SI: variants seen among roughly 807,000 people sequenced by gnomAD.
SI encodes the protein sucrase-isomaltase, also known as sucrase-isomaltase, intestinal.
A neutral mutation model predicts 253.3 loss-of-function variants in SI; 235 were observed. That is an observed-to-expected ratio of 0.93 (90% CI 0.83 to 1.03). The LOEUF is 1.03. SI is among the 50% of genes least tolerant of loss of function. SI has a pLI of 0.00. For synonymous variants in SI, 819 were observed against 712.0 expected (o/e 1.15, Z -2.39); for missense variants, 2,442 against 2,211.1 (o/e 1.10, Z -2.09).
Position 165,059,070 on chromosome 3 carries a change from A to T in SI, c.1291T>A (p.Ser431Thr), listed in dbSNP as rs773971913. The change falls in exon 12 of 48, where the codon TCC becomes ACC. Residue 431 changes from serine (S) to threonine (T), a missense_variant. Transcript: ENST00000264382. ...KYVIILDPAISIGRRANGTTY... is the reference protein window; with the variant it reads ...KYVIILDPAITIGRRANGTTY... ...GTTCCATTGGCACGTCGACCTATGG[A>T]AATTGCAGGGTCCTAATAATAGAAA... The T allele has an allele frequency of 1.2e-6, 2 of 1,612,552 alleles. No individual in the cohort carries two copies. The highest frequency in any genetic ancestry group is 8.5e-7 in the Non-Finnish European group (1 of 1,179,234).
In SI at chr3:165,019,778, C is replaced by G. The variant is rs1179920370; in HGVS notation, c.3255-8G>C. 1.9e-6 allele frequency: 3 copies of G among 1,610,808 alleles called. No individual in the cohort carries two copies. The highest frequency in any genetic ancestry group is 1.3e-5 in the African/African-American group (1 of 74,712). On this transcript the variant is annotated splice_region_variant and splice_polypyrimidine_tract_variant and intron_variant, in intron 27 of 47. Transcript: ENST00000264382. ...GGCAGCCAAGAATCCCAACTGAAAACAAAAGAAAACAAAGCTATGTCTGTC... is the reference window on the plus strand; with the variant it reads ...GGCAGCCAAGAATCCCAACTGAAAAGAAAAGAAAACAAAGCTATGTCTGTC...
At chr3:165,081,346 G>C (rs1382224256), upstream of SI, among the ~76,000 whole-genome samples, 2 of 151,940 alleles carry the variant, frequency 1.3e-5, no homozygotes, top group East Asian at 3.9e-4. Flanking sequence ...AACACCAAAA[G>C]TGAATCATAA....
At chr3:165,069,254 T>A in intron 3 of SI, 59 bp from the exon 4 acceptor site, 1 of 1,128,440 alleles carries the variant, frequency 8.9e-7, no homozygotes, top group Non-Finnish European at 1.3e-6. Context: ...TGTCCCAGTC[T>A]CTGTTTTTCC....
chr3:165,051,520 CA>C (rs879787028), intron 13 of SI, among the ~76,000 whole-genome samples: 4 of 152,000 alleles, frequency 2.6e-5, no homozygotes, highest in Non-Finnish European at 5.9e-5. Flanking sequence ...CATAGTTACA[CA>C]GCAAATAAGT....
chr3:165,059,465 G>A (rs1168111626), intron 10 of SI, among the ~76,000 whole-genome samples, 166 bp from the exon 11 acceptor site: 1 of 151,750 alleles, frequency 6.6e-6, no homozygotes, highest in Non-Finnish European at 1.5e-5. Flanking sequence ...TTTGTAAACT[G>A]GTTTTTCTAA....
intron 25 of SI, among the ~76,000 whole-genome samples, chr3:165,027,150 A>G (rs973229410): frequency 3.2e-4 from 48 of 151,486 alleles, no homozygotes; most frequent in African/African-American, 9.9e-4. Flanking sequence ...CTGACACCAC[A>G]GAAATACAAA....
At position 165,047,003 on chromosome 3, in the gene SI, T is replaced by G; in HGVS notation, c.1725A>C (p.Gln575His). ...AGCTTCTCTTATTAGGAAAAACTTT[T>G]TGTACAGCTCTAAAAATAAAACCAA... ...SMAIATEQAV[Q>H]KVFPNKRSFI... Residue 575 changes from glutamine (Q) to histidine (H), a missense_variant, in exon 16 of 48, where the codon CAA becomes CAC. Gln to His is a conservative substitution (Grantham distance 24). Coordinates refer to ENST00000264382, the MANE Select transcript of SI (RefSeq NM_001041.4). The G allele has an allele frequency of 6.2e-7, 1 of 1,603,702 alleles. No homozygotes were observed. The highest frequency in any genetic ancestry group is 1.1e-5 in the South Asian group (1 of 89,414).
intron 16 of SI, among the ~76,000 whole-genome samples, chr3:165,044,761 A>T (rs1713024049): frequency 6.6e-6 from 1 of 151,948 alleles, no homozygotes; most frequent in Non-Finnish European, 1.5e-5. Context: ...GTTGTAGTCA[A>T]ATTTATGTAT....
At chr3:165,004,423 T>C (rs1718404184) in intron 37 of SI, among the ~76,000 whole-genome samples, 1 of 152,144 alleles carries the variant, frequency 6.6e-6, no homozygotes, top group South Asian at 2.1e-4. Context: ...AGAGCTACTA[T>C]ATGATTCAGC....
chr3:165,042,964 T>G, intron 17 of SI, 95 bp downstream of exon 17: 1 of 805,790 alleles, frequency 1.2e-6, no homozygotes, highest in South Asian at 1.4e-5. Context: ...TGCTACAATC[T>G]TTCAGACCAT....
intron 26 of SI, among the ~76,000 whole-genome samples, chr3:165,022,843 G>A (rs903361504): frequency 2.1e-4 from 32 of 151,492 alleles, no homozygotes; most frequent in East Asian, 7.8e-4. Flanking sequence ...TAAAAGCAGC[G>A]ACTGAGCTAA....
chr3:165,064,724 A>T (rs913652573), intron 7 of SI, among the ~76,000 whole-genome samples: 1 of 152,092 alleles, frequency 6.6e-6, no homozygotes, highest in African/African-American at 2.4e-5. Context: ...AGTTCTTATG[A>T]GATAAAATTT....
intron 7 of SI, 132 bp downstream of exon 7, chr3:165,065,129 T>C: frequency 1.6e-6 from 1 of 621,234 alleles, no homozygotes; most frequent in Non-Finnish European, 2.8e-6. Context: ...TAAACAAGCT[T>C]CTATATTGGT....
chr3:165,079,903 C>A (rs1715238832), upstream of SI, among the ~76,000 whole-genome samples: 1 of 151,798 alleles, frequency 6.6e-6, no homozygotes, highest in Admixed American at 6.6e-5. Flanking sequence ...ACGCCATATT[C>A]ATAGACTGCA....
rs1231349140 is a variant in SI, at chr3:165,067,440, C to A, written c.535G>T (p.Glu179Ter). 99 of 1,611,586 alleles carry A rather than the reference C, an allele frequency of 6.1e-5. 1 individual carries two copies. Among genetic ancestry groups the A allele is most frequent in the Non-Finnish European group, 8.3e-5 (98 of 1,178,106 alleles). Residue 179 changes from glutamate to a stop codon, truncating the protein, a stop_gained, in exon 6 of 48, where the codon GAG becomes TAG. Transcript: ENST00000264382. LOFTEE classifies it high-confidence loss of function. ...TCAGAAACTGTGGGTCCAGTAAACT[C>A]TTTTACATACTGATGAGGAACTTCA... Reference protein sequence around the residue: ...RYEVPHQYVKEFTGPTVSDTL... With the variant: ...RYEVPHQYVK
intron 3 of SI, among the ~76,000 whole-genome samples, chr3:165,070,293 A>T (rs1052008313): frequency 1.1e-5 from 1 of 90,250 alleles, no homozygotes; most frequent in South Asian, 3.3e-4. Context: ...ATACATATAT[A>T]ATTATATATG....
In SI at chr3:165,073,616, T is replaced by C. The variant is rs1473941673; in HGVS notation, c.255+915A>G. Among the ~76,000 whole-genome samples, 3 of 152,220 alleles carry C rather than the reference T, an allele frequency of 2.0e-5. No individual in the cohort carries two copies. The South Asian group carries it at 6.2e-4, about 32-fold the overall frequency. ...AGGTGACATTTGTAATTGCATATCA[T>C]ATTTGCAAATGCAAATATTTGCAAA... On this transcript the variant is annotated intron_variant, in intron 3 of 47. Transcript: ENST00000264382.
intron 9 of SI, among the ~76,000 whole-genome samples, chr3:165,061,999 A>G (rs1001217830): frequency 1.3e-5 from 2 of 151,960 alleles, no homozygotes; most frequent in South Asian, 2.1e-4. Context: ...GACCAAAAGG[A>G]TATATGACCT....
At chr3:165,074,420 C>T (rs1714807092) in intron 3 of SI, 111 bp downstream of exon 3, 1 of 623,288 alleles carries the variant, frequency 1.6e-6, no homozygotes, top group Non-Finnish European at 2.5e-6. Flanking sequence ...ATAAATTCAG[C>T]CTAATTTATG....
Sources: gnomAD v4.1 joint callset for allele counts (sites outside exome capture counted in the v4.1 genomes callset) on GRCh38, gnomAD v4.1.1 for gene constraint, MANE v1.5 for transcripts, NCBI Gene and HGNC (gene_info 2026-07-23, HGNC 2026-07-21) for gene names.